Variants in FBXL17 observed in about 807,000 individuals in gnomAD.
FBXL17 encodes the protein F-box/LRR-repeat protein 17.
In FBXL17, 22 loss-of-function variants were observed where a neutral mutation model predicts 66.2. That is an observed-to-expected ratio of 0.33 (90% CI 0.24 to 0.47). The LOEUF is 0.47. FBXL17 is among the 20% of genes least tolerant of loss of function. The pLI is 1.00. For synonymous variants in FBXL17, 474 were observed against 400.5 expected (o/e 1.18, Z -2.19); for missense variants, 878 against 948.2 (o/e 0.93, Z 0.97).
intron 7 of FBXL17, among the ~76,000 whole-genome samples, chr5:107,904,003 T>G (rs56240055): frequency 1.3e-5 from 2 of 152,186 alleles, no homozygotes; most frequent in East Asian, 3.9e-4. Context: ...TACATATTTA[T>G]GAGAATTACA....
At chr5:108,367,049 C>CT (rs945474044) in intron 2 of FBXL17, among the ~76,000 whole-genome samples, 12 of 151,612 alleles carry the variant, frequency 7.9e-5, no homozygotes, top group South Asian at 2.1e-4. Flanking sequence ...CAAATCAGGG[C>CT]TTTTTTTTAA....
rs529759819 is a variant in FBXL17, at chr5:108,144,877, G to T, written c.1745+41240C>A. On this transcript the variant is annotated intron_variant, in intron 6 of 8. Coordinates refer to ENST00000542267, the MANE Select transcript of FBXL17 (RefSeq NM_001163315.3). ...CTCCATATAAATTGAAAATAAACAC[G>T]TTTAATATTCAAGTAATTTAGTTAG... Among the ~76,000 whole-genome samples the T allele has an allele frequency of 2.0e-5, 3 of 152,132 alleles. No individual in the cohort carries two copies. In the South Asian group the frequency reaches 6.2e-4, roughly 32 times the overall value.
chr5:108,078,788 T>C (rs1748650427), intron 6 of FBXL17, among the ~76,000 whole-genome samples: 1 of 152,204 alleles, frequency 6.6e-6, no homozygotes, highest in African/African-American at 2.4e-5. Context: ...CTCCATTCTT[T>C]CTGTAACCTC....
At chr5:107,879,105 GA>G (rs1236381584) in intron 8 of FBXL17, 3 of 985,318 alleles carry the variant, frequency 3.0e-6, no homozygotes, top group Non-Finnish European at 3.6e-6. Flanking sequence ...AATATGTCTG[GA>G]ATAACATTCT....
chr5:108,232,557 T>C (rs534975356), intron 4 of FBXL17, among the ~76,000 whole-genome samples: 1 of 151,724 alleles, frequency 6.6e-6, no homozygotes, highest in South Asian at 2.1e-4. Flanking sequence ...CACCATCTAA[T>C]CAGCGGCCAG....
At chr5:108,229,952 C>T (rs74651411) in intron 4 of FBXL17, among the ~76,000 whole-genome samples, 280 of 152,040 alleles carry the variant, frequency 1.8e-3, no homozygotes, top group South Asian at 7.7e-3. Flanking sequence ...AAATGGCCAA[C>T]GAATACATGA....
intron 6 of FBXL17, among the ~76,000 whole-genome samples, chr5:108,126,660 T>C (rs1316173289): frequency 8.6e-6 from 1 of 116,454 alleles, no homozygotes; most frequent in African/African-American, 3.2e-5. Context: ...TCTATATATA[T>C]ATACATATAT....
intron 6 of FBXL17, among the ~76,000 whole-genome samples, chr5:108,066,159 A>G (rs1428522787): frequency 6.6e-6 from 1 of 152,138 alleles, no homozygotes; most frequent in Non-Finnish European, 1.5e-5. Context: ...TTTACTGGGG[A>G]CAAAAGAGAC....
At chr5:108,093,198 T>C (rs1749249551) in intron 6 of FBXL17, among the ~76,000 whole-genome samples, 1 of 152,044 alleles carries the variant, frequency 6.6e-6, no homozygotes, top group African/African-American at 2.4e-5. Context: ...ATTAGTTTAC[T>C]ATTAAAAAAT....
chr5:108,364,650 A>G, intron 3 of FBXL17, 88 bp downstream of exon 3: 1 of 1,082,174 alleles, frequency 9.2e-7, no homozygotes, highest in Non-Finnish European at 1.4e-6. Flanking sequence ...TCTGGGAACT[A>G]TTTTTAACGT....
At chr5:108,048,420 T>TGCAA (rs1747341820) in intron 6 of FBXL17, among the ~76,000 whole-genome samples, 1 of 152,036 alleles carries the variant, frequency 6.6e-6, no homozygotes, top group Non-Finnish European at 1.5e-5. Context: ...CTGCAATGCC[T>TGCAA]CTCCAGCAAG....
chr5:107,862,147 A>G (rs911238291), intron 8 of FBXL17, among the ~76,000 whole-genome samples: 6 of 152,138 alleles, frequency 3.9e-5, no homozygotes, highest in African/African-American at 9.7e-5. Context: ...GATCTTAACA[A>G]TGTCCATTGA....
chr5:108,137,510 T>G (rs907050252), intron 6 of FBXL17, among the ~76,000 whole-genome samples: 1 of 152,098 alleles, frequency 6.6e-6, no homozygotes, highest in Admixed American at 6.6e-5. Context: ...TTAGTAATCA[T>G]GCATGAGAAT....
intron 4 of FBXL17, among the ~76,000 whole-genome samples, chr5:108,269,024 G>T (rs987546055): frequency 5.3e-5 from 8 of 152,088 alleles, no homozygotes; most frequent in Non-Finnish European, 1.2e-4. Flanking sequence ...AGGGACTTCA[G>T]TTAGGGTGGT....
chr5:108,230,730 A>T (rs1755298307), intron 4 of FBXL17, among the ~76,000 whole-genome samples: 1 of 146,896 alleles, frequency 6.8e-6, no homozygotes, highest in African/African-American at 2.6e-5. Flanking sequence ...AATAAATTTA[A>T]AAAAAAAAAA....
intron 7 of FBXL17, among the ~76,000 whole-genome samples, chr5:107,901,425 C>G (rs1056945023): frequency 3.3e-5 from 5 of 152,076 alleles, no homozygotes; most frequent in African/African-American, 1.2e-4. Flanking sequence ...TTTATTAGAT[C>G]TAGGCAAACT....
chr5:108,318,457 C>T (rs944232573), intron 4 of FBXL17, among the ~76,000 whole-genome samples: 1 of 151,464 alleles, frequency 6.6e-6, no homozygotes, highest in African/African-American at 2.4e-5. Context: ...AACATGTATA[C>T]AGGAAAAAAA....
intron 4 of FBXL17, among the ~76,000 whole-genome samples, chr5:108,311,803 C>T (rs1403303836): frequency 6.6e-6 from 1 of 152,100 alleles, no homozygotes; most frequent in Non-Finnish European, 1.5e-5. Context: ...AAAGAGAATG[C>T]ATAATAACAA....
At chr5:108,352,439 T>C (rs1053097778) in intron 3 of FBXL17, among the ~76,000 whole-genome samples, 1 of 152,206 alleles carries the variant, frequency 6.6e-6, no homozygotes, top group Non-Finnish European at 1.5e-5. Context: ...ATCATCACCA[T>C]TAGGATGCCT....
Sources: allele counts gnomAD v4.1 joint callset (sites outside exome capture counted in the v4.1 genomes callset), GRCh38; gene constraint gnomAD v4.1.1; transcripts MANE v1.5; gene names NCBI Gene and HGNC (gene_info 2026-07-23, HGNC 2026-07-21).